ACSF3: variants seen among roughly 807,000 people sequenced by gnomAD.
The protein encoded by ACSF3 is acyl-CoA synthetase family member 3, also known as malonate--CoA ligase ACSF3, mitochondrial.
ACSF3 carries 78 observed loss-of-function variants against 53.2 expected under a neutral mutation model. The ratio of observed to expected loss-of-function variants is 1.47; its 90% CI spans 1.22 to 1.77. ACSF3 has a LOEUF of 1.77. Among genes scored for constraint, ACSF3 ranks in the 40% most tolerant of loss-of-function variants. ACSF3 has a pLI of 0.00. For missense variants in ACSF3, 937 were observed against 771.1 expected (o/e 1.22, Z -2.55); for synonymous variants, 414 against 333.1 (o/e 1.24, Z -2.65).
At chr16:89,119,797 G>A (rs897529729) in intron 6 of ACSF3, among the ~76,000 whole-genome samples, 4 of 152,304 alleles carry the variant, frequency 2.6e-5, no homozygotes, top group Non-Finnish European at 4.4e-5. Flanking sequence ...AGACCGAGCC[G>A]GGCACCGACA....
intron 10 of ACSF3, 136 bp from the exon 11 acceptor site, chr16:89,153,954 C>A: frequency 1.2e-6 from 1 of 854,902 alleles, no homozygotes; most frequent in Non-Finnish European, 1.9e-6. Flanking sequence ...GGTGCACCTG[C>A]CTGGCCTCAG....
intron 8 of ACSF3, among the ~76,000 whole-genome samples, chr16:89,138,061 G>C (rs1051317593): frequency 1.3e-5 from 2 of 152,216 alleles, no homozygotes; most frequent in Non-Finnish European, 2.9e-5. Flanking sequence ...GCCTCAAGAA[G>C]CGAAAATCAG....
At chr16:89,144,312 G>A (rs57688577) in intron 8 of ACSF3, among the ~76,000 whole-genome samples, 9,576 of 152,310 alleles carry the variant, frequency 0.063, 766 homozygotes, top group East Asian at 0.37. Flanking sequence ...CAAGGGCCAC[G>A]TCGTGGCTTT....
chr16:89,130,276 A>G (rs1451798256), intron 7 of ACSF3, among the ~76,000 whole-genome samples: 1 of 152,176 alleles, frequency 6.6e-6, no homozygotes, highest in Non-Finnish European at 1.5e-5. Flanking sequence ...CAGCACTTTA[A>G]AAATATGATT....
chr16:89,118,448 C>G (rs570600638), intron 6 of ACSF3, among the ~76,000 whole-genome samples: 2 of 152,272 alleles, frequency 1.3e-5, no homozygotes, highest in Admixed American at 1.3e-4. Flanking sequence ...TTTCCTCACT[C>G]TCAGGCTCTA....
At position 89,093,940 on chromosome 16, in the gene ACSF3, G is replaced by A. The variant is rs1219555264; in HGVS notation, c.-250G>A. Reference sequence around the variant, plus strand: ...CGACCCCGGCGCGCGCGCGGCGGAGGACGAGGAAGAGTTGTGGCGAGGCAG... The same window carrying A: ...CGACCCCGGCGCGCGCGCGGCGGAGAACGAGGAAGAGTTGTGGCGAGGCAG... On this transcript the variant is annotated 5_prime_UTR_variant, in exon 1 of 11. Coordinates refer to ENST00000614302, the MANE Select transcript of ACSF3 (RefSeq NM_001243279.3). 3 of 327,136 alleles carry A rather than the reference G, an allele frequency of 9.2e-6. No individual in the cohort carries two copies. Among genetic ancestry groups the A allele is most frequent in the Admixed American group, 6.4e-5 (2 of 31,128 alleles). 20.3% of individuals were successfully genotyped at this position (327,136 alleles called of 1,614,324 possible). A position where few individuals can be genotyped will look rare whatever the true frequency, so the allele number is the denominator to read the frequency against.
intron 10 of ACSF3, among the ~76,000 whole-genome samples, chr16:89,147,189 GGTCCACAGAGTGAGTGAGA>G (rs1463673628): frequency 9.5e-5 from 7 of 73,426 alleles, no homozygotes; most frequent in East Asian, 3.3e-4. Context: ...AGGGAGGGAG[GGTCCACAGAGTGAGTGAGA>G]GAGGAGGGAG....
intron 7 of ACSF3, among the ~76,000 whole-genome samples, chr16:89,130,842 A>G (rs1341849605): frequency 4.0e-5 from 6 of 151,708 alleles, no homozygotes; most frequent in Non-Finnish European, 8.8e-5. Context: ...TTCTTCTGTC[A>G]CTCCAGTAGC....
Position 89,133,309 on chromosome 16 carries a change from C to T in ACSF3, c.1366+47C>T, listed in dbSNP as rs749930101. 1.7e-5 allele frequency: 27 copies of T among 1,612,156 alleles called. No individual in the cohort carries two copies. In the South Asian group the frequency reaches 2.0e-4, roughly 12 times the overall value. On this transcript the variant is annotated intron_variant, in intron 8 of 10. Coordinates refer to ENST00000614302, the MANE Select transcript of ACSF3 (RefSeq NM_001243279.3). ...GTGGAGGAGACCCCGAGGGGACAGG[C>T]AGGAACTCATTGCTGCCCACGTTGA...
intron 6 of ACSF3, among the ~76,000 whole-genome samples, chr16:89,118,720 C>T (rs1358034108): frequency 2.0e-5 from 3 of 152,182 alleles, no homozygotes; most frequent in African/African-American, 7.2e-5. Flanking sequence ...GCTCACGGCT[C>T]CTGGGCCACT....
intron 7 of ACSF3, among the ~76,000 whole-genome samples, chr16:89,128,282 C>T (rs1438224680): frequency 5.5e-4 from 82 of 148,724 alleles, no homozygotes; most frequent in East Asian, 6.0e-4. Flanking sequence ...TTTTTTGAGA[C>T]GGAGTTTCGC....
At chr16:89,143,433 AGCTGTAT>A (rs1290944737) in intron 8 of ACSF3, among the ~76,000 whole-genome samples, 1 of 152,018 alleles carries the variant, frequency 6.6e-6, no homozygotes, top group Non-Finnish European at 1.5e-5. Flanking sequence ...CCAGGCCAGA[AGCTGTAT>A]GGAGGGCCCT....
chr16:89,116,148 C>A (rs573309491), intron 6 of ACSF3, among the ~76,000 whole-genome samples: 12 of 152,334 alleles, frequency 7.9e-5, no homozygotes, highest in African/African-American at 2.9e-4. Flanking sequence ...GACCACAGTT[C>A]TTTTTTAGTG....
chr16:89,108,475 T>G (rs992644659), intron 4 of ACSF3, among the ~76,000 whole-genome samples: 9 of 152,200 alleles, frequency 5.9e-5, no homozygotes, highest in African/African-American at 2.2e-4. Flanking sequence ...CGAGATACAG[T>G]TCACACACCG....
At chr16:89,140,951 C>T (rs1034039759) in intron 8 of ACSF3, 6 of 702,504 alleles carry the variant, frequency 8.5e-6, no homozygotes, top group East Asian at 6.7e-5. Context: ...CACATCAGGC[C>T]GAGGACATAC....
At position 89,101,017 on chromosome 16, in the gene ACSF3, G is replaced by A; in HGVS notation, c.336G>A (p.Gln112=). The change falls in exon 3 of 11, where the codon CAG becomes CAA. Residue 112 remains glutamine (Q), a synonymous_variant. Transcript: ENST00000614302. ...CANDASYVVA[Q]WASWMSGGVA... Reference sequence around the variant, plus strand: ...ACGATGCCTCCTACGTCGTGGCCCAGTGGGCGTCATGGATGAGTGGCGGTG... The same window carrying A: ...ACGATGCCTCCTACGTCGTGGCCCAATGGGCGTCATGGATGAGTGGCGGTG... 1 of 1,613,804 alleles carries A rather than the reference G, an allele frequency of 6.2e-7. No homozygotes were observed. Among genetic ancestry groups the A allele is most frequent in the Non-Finnish European group, 8.5e-7 (1 of 1,179,830 alleles).
At chr16:89,105,474 T>C (rs918232354) in intron 4 of ACSF3, among the ~76,000 whole-genome samples, 4 of 152,298 alleles carry the variant, frequency 2.6e-5, no homozygotes, top group African/African-American at 9.6e-5. Flanking sequence ...GCCTGGTGTG[T>C]AGGGAACTTC....
At chr16:89,099,978 CAA>C (rs35740910) in intron 2 of ACSF3, among the ~76,000 whole-genome samples, 102,789 of 142,210 alleles carry the variant, frequency 0.72, 36,906 homozygotes, top group Non-Finnish European at 0.79. Context: ...TTGTCTCTAC[CAA>C]AAAAAAAAAA....
intron 4 of ACSF3, among the ~76,000 whole-genome samples, chr16:89,106,470 T>G (rs937400204): frequency 2.0e-5 from 3 of 152,076 alleles, no homozygotes; most frequent in African/African-American, 7.2e-5. Context: ...TTTTTTGTAT[T>G]TTTAGTAGAG....
Sources: allele counts gnomAD v4.1 joint callset (sites outside exome capture counted in the v4.1 genomes callset), GRCh38; gene constraint gnomAD v4.1.1; transcripts MANE v1.5; gene names NCBI Gene and HGNC (gene_info 2026-07-23, HGNC 2026-07-21).